Variants in MS4A4E observed in about 807,000 individuals in gnomAD.
MS4A4E encodes membrane spanning 4-domains A4E, also known as putative membrane-spanning 4-domains subfamily A member 4E.
A neutral mutation model predicts 13.3 loss-of-function variants in MS4A4E; 23 were observed. The ratio of observed to expected loss-of-function variants is 1.73; its 90% confidence interval spans 1.25 to 2.45. The LOEUF (loss-of-function observed/expected upper bound fraction) is 2.45. Ranked by LOEUF, MS4A4E falls within the 30% of genes most tolerant of loss-of-function variation. The probability of loss-of-function intolerance (pLI) is 0.00; values close to 1 mark genes in which losing one functional copy is unlikely to be tolerated. For synonymous variants in MS4A4E, 36 were observed against 45.6 expected (o/e 0.79, Z 0.85); for missense variants, 144 against 131.2 (o/e 1.10, Z -0.48).
intron 5 of MS4A4E, among the ~76,000 whole-genome samples, chr11:60,210,107 GCA>G (rs1273819227): frequency 6.6e-6 from 1 of 152,166 alleles, no homozygotes; most frequent in Non-Finnish European, 1.5e-5. Context: ...AAGGTCTCTG[GCA>G]CACACATTCA....
intron 1 of MS4A4E, among the ~76,000 whole-genome samples, chr11:60,231,353 T>G (rs930876641): frequency 2.2e-4 from 34 of 152,028 alleles, no homozygotes; most frequent in African/African-American, 7.7e-4. Context: ...TAAATGTGAT[T>G]GAAGTAGTTA....
intron 1 of MS4A4E, among the ~76,000 whole-genome samples, chr11:60,232,903 T>C (rs2084430631): frequency 6.6e-6 from 1 of 152,182 alleles, no homozygotes; most frequent in African/African-American, 2.4e-5. Flanking sequence ...AACTGCTCCA[T>C]GCCCCCATCT....
intron 3 of MS4A4E, among the ~76,000 whole-genome samples, chr11:60,216,605 T>C (rs537192752): frequency 6.6e-6 from 1 of 150,462 alleles, no homozygotes; most frequent in East Asian, 1.9e-4. Flanking sequence ...AATATATATA[T>C]TATATATATA....
chr11:60,213,355 C>T lies in MS4A4E; in HGVS notation c.223-223G>A, dbSNP rs181789746. 209 of 1,481,336 alleles carry T rather than the reference C, an allele frequency of 1.4e-4. No individual in the cohort carries two copies. In the African/African-American group the frequency reaches 1.7e-3, roughly 12 times the overall value. 91.8% of individuals were successfully genotyped at this position (1,481,336 alleles called of 1,614,324 possible). Reference sequence around the variant, plus strand: ...TTCCTGTGAGAAGATGAGATAATCTCCAAATCATTTATCAGGGTTTTCAAT... The same window carrying T: ...TTCCTGTGAGAAGATGAGATAATCTTCAAATCATTTATCAGGGTTTTCAAT... On this transcript the variant is annotated intron_variant, in intron 4 of 8. Transcript: ENST00000651255.
rs537589341 is a variant in MS4A4E at position 60,230,316 on chromosome 11, A to G, written c.-16-245T>C. 3.6e-4 allele frequency among the ~76,000 whole-genome samples: 55 copies of G among 152,290 alleles called. No individual in the cohort carries two copies. The South Asian group carries it at 7.9e-3, about 22-fold the overall frequency. On this transcript the variant is annotated intron_variant, in intron 1 of 8. Coordinates refer to ENST00000651255, the MANE Select transcript of MS4A4E (RefSeq NM_001393391.1). ...CTAGGAGAGAGGACATGTTGACAGA[A>G]GTGAGGTAAATTAGAGAAATTTCTT... is the stretch of plus-strand genomic sequence containing the variant.
chr11:60,212,777 C>A (rs1425407662), intron 5 of MS4A4E, among the ~76,000 whole-genome samples, 197 bp downstream of exon 5: 1 of 152,248 alleles, frequency 6.6e-6, no homozygotes, highest in South Asian at 2.1e-4. Context: ...TTTGCCTCAT[C>A]ACATATAGAG....
At chr11:60,226,741 G>A (rs1327334910) in intron 3 of MS4A4E, among the ~76,000 whole-genome samples, 2 of 152,194 alleles carry the variant, frequency 1.3e-5, no homozygotes, top group Admixed American at 1.3e-4. Flanking sequence ...GCAGGGATAA[G>A]CCTGTCACTA....
chr11:60,216,442 T>A (rs2084194756), intron 3 of MS4A4E, among the ~76,000 whole-genome samples: 2 of 152,128 alleles, frequency 1.3e-5, no homozygotes, highest in Non-Finnish European at 2.9e-5. Context: ...GCAAGTTACT[T>A]AACCTCTCTT....
At position 60,200,272 on chromosome 11, in the gene MS4A4E, C is replaced by CTTTT. The variant is rs1323945840; in HGVS notation, c.*1267_*1270dup. Among the ~76,000 whole-genome samples the CTTTT allele has an allele frequency of 3.5e-4, 53 of 150,220 alleles. No homozygotes were observed. Among genetic ancestry groups the CTTTT allele is most frequent in the African/African-American group, 8.9e-4 (36 of 40,248 alleles). On this transcript the variant is annotated 3_prime_UTR_variant, in exon 9 of 9. Coordinates refer to ENST00000651255, the MANE Select transcript of MS4A4E (RefSeq NM_001393391.1). Reference sequence around the variant, plus strand: ...AAGGAAAAAAAATACTGGATAAATACTTTTTATTTATTTATTTATTTATTT... The same window carrying CTTTT: ...AAGGAAAAAAAATACTGGATAAATACTTTTTTTTTATTTATTTATTTATTTATTT...
intron 8 of MS4A4E, among the ~76,000 whole-genome samples, chr11:60,202,395 A>G (rs565969830): frequency 1.3e-5 from 2 of 152,350 alleles, no homozygotes; most frequent in South Asian, 2.1e-4. Context: ...ATGTTTTTGT[A>G]TATAGAATGT....
Position 60,227,273 on chromosome 11 carries a change from C to T in MS4A4E, c.178+1321G>A, listed in dbSNP as rs140886147. Among the ~76,000 whole-genome samples the T allele has an allele frequency of 6.5e-4, 99 of 152,174 alleles. 1 individual carries two copies. In the East Asian group the frequency reaches 0.017, roughly 26 times the overall value. On this transcript the variant is annotated intron_variant, in intron 3 of 8. Coordinates refer to ENST00000651255, the MANE Select transcript of MS4A4E (RefSeq NM_001393391.1). ...CTCCCTCAAAATATTAGCAAATGGC[C>T]GGGCGTGGTGGCTCACCCCTGTAAT...
rs914512420 is a variant in MS4A4E, at chr11:60,241,172, T to C, written c.-17+1786A>G. ...CAGAGTAGCTGGGGCTACCGGCGCCTGCCACCACGCCTGGCTAATTTTTTT... is the reference window on the plus strand; with the variant it reads ...CAGAGTAGCTGGGGCTACCGGCGCCCGCCACCACGCCTGGCTAATTTTTTT... On this transcript the variant is annotated intron_variant, in intron 1 of 8. Transcript: ENST00000651255. Among the ~76,000 whole-genome samples the C allele has an allele frequency of 9.2e-5, 14 of 152,280 alleles. 1 individual carries two copies. In the South Asian group the frequency reaches 1.0e-3, roughly 11 times the overall value.
At chr11:60,212,354 G>A (rs148740368) in intron 5 of MS4A4E, among the ~76,000 whole-genome samples, 2,815 of 147,606 alleles carry the variant, frequency 0.019, 94 homozygotes, top group African/African-American at 0.067. Flanking sequence ...CTTTCGCCCA[G>A]GCCAGACTGC....
chr11:60,224,568 A>G (rs545467463), intron 3 of MS4A4E, among the ~76,000 whole-genome samples: 12 of 152,234 alleles, frequency 7.9e-5, no homozygotes, highest in Non-Finnish European at 1.3e-4. Context: ...TTTATCAAAA[A>G]TGAGATGTGT....
At chr11:60,239,023 A>G (rs2084517007) in intron 1 of MS4A4E, among the ~76,000 whole-genome samples, 1 of 152,254 alleles carries the variant, frequency 6.6e-6, no homozygotes, top group Non-Finnish European at 1.5e-5. Context: ...AGTATTACCT[A>G]TAATAGTCAA....
intron 1 of MS4A4E, among the ~76,000 whole-genome samples, chr11:60,239,269 T>C (rs918505712): frequency 6.6e-6 from 1 of 152,238 alleles, no homozygotes; most frequent in Non-Finnish European, 1.5e-5. Context: ...AATTTAATGA[T>C]GAAATAGCAC....
chr11:60,229,183 C>A (rs534611620), intron 2 of MS4A4E, among the ~76,000 whole-genome samples: 29 of 152,246 alleles, frequency 1.9e-4, no homozygotes, highest in African/African-American at 6.7e-4. Context: ...GTTCTTTAAG[C>A]CTAAAACTGC....
At chr11:60,233,540 A>G (rs662674) in intron 1 of MS4A4E, among the ~76,000 whole-genome samples, 139,113 of 152,268 alleles carry the variant, frequency 0.91, 63,683 homozygotes, top group Non-Finnish European at 0.94. Flanking sequence ...AGTTTTGCAA[A>G]ACCCTGAGCC....
At chr11:60,220,779 C>T (rs1300001371) in intron 3 of MS4A4E, among the ~76,000 whole-genome samples, 1 of 152,152 alleles carries the variant, frequency 6.6e-6, no homozygotes, top group Non-Finnish European at 1.5e-5. Flanking sequence ...TGCCCCCACC[C>T]CCTACAACCA....
Sources: allele counts gnomAD v4.1 joint callset (sites outside exome capture counted in the v4.1 genomes callset), GRCh38; gene constraint gnomAD v4.1.1; transcripts MANE v1.5; gene names NCBI Gene and HGNC (gene_info 2026-07-23, HGNC 2026-07-21).